SPINK5: variants seen among roughly 807,000 people sequenced by gnomAD.
SPINK5 encodes the protein serine peptidase inhibitor Kazal type 5, also known as serine protease inhibitor Kazal-type 5.
In SPINK5, 125 loss-of-function variants were observed where a neutral mutation model predicts 151.8. That is an observed-to-expected ratio of 0.82 (90% CI 0.71 to 0.96). The LOEUF (loss-of-function observed/expected upper bound fraction) is 0.96, where lower values mean the gene tolerates loss of function less well. Among genes scored for constraint, SPINK5 ranks in the 40% least tolerant of loss-of-function variants. The pLI, the probability that SPINK5 is intolerant of heterozygous loss-of-function variation, is 0.00. For missense variants in SPINK5, 1,194 were observed against 1,291.9 expected (o/e 0.92, Z 1.16); for synonymous variants, 374 against 395.3 (o/e 0.95, Z 0.64).
chr5:148,116,535 G>T (rs950702346), intron 22 of SPINK5, 69 bp downstream of exon 22: 3 of 1,438,790 alleles, frequency 2.1e-6, no homozygotes, highest in Non-Finnish European at 9.8e-7. Context: ...TGTGAATAGC[G>T]TATATAGTCT....
chr5:148,080,751 A>C (rs1752998174), intron 4 of SPINK5, among the ~76,000 whole-genome samples: 1 of 151,578 alleles, frequency 6.6e-6, no homozygotes, highest in Admixed American at 6.6e-5. Flanking sequence ...GACTTTAGAC[A>C]TAAAACTAAA....
At chr5:148,133,518 C>T (rs895950585) in intron 31 of SPINK5, among the ~76,000 whole-genome samples, 5 of 152,114 alleles carry the variant, frequency 3.3e-5, no homozygotes, top group African/African-American at 4.8e-5. Flanking sequence ...CACCTTTAGA[C>T]CAGATGATCT....
In SPINK5 at chr5:148,065,809, A is replaced by G. The variant is rs185090201; in HGVS notation, c.81+437A>G. Among the ~76,000 whole-genome samples the G allele has an allele frequency of 4.4e-4, 67 of 152,268 alleles. 1 individual carries two copies. The South Asian group carries it at 4.6e-3, about 10-fold the overall frequency. On this transcript the variant is annotated intron_variant, in intron 2 of 32. Transcript: ENST00000256084. ...TCGGTGTATATAGTTCATGTAATGA[A>G]TATTTATTGAGCATCTCTTAGATGT...
At chr5:148,106,824 C>T (rs182858118) in intron 16 of SPINK5, among the ~76,000 whole-genome samples, 33 of 152,174 alleles carry the variant, frequency 2.2e-4, no homozygotes, top group East Asian at 3.9e-4. Context: ...ACAACACACA[C>T]GTATGTTTTT....
At chr5:148,103,246 C>T (rs1753695146) in intron 15 of SPINK5, among the ~76,000 whole-genome samples, 1 of 152,038 alleles carries the variant, frequency 6.6e-6, no homozygotes, top group Non-Finnish European at 1.5e-5. Flanking sequence ...TTCATCTTCA[C>T]AACAACCATA....
intron 18 of SPINK5, among the ~76,000 whole-genome samples, chr5:148,110,599 T>C (rs895059839): frequency 3.3e-5 from 5 of 152,114 alleles, no homozygotes; most frequent in African/African-American, 1.2e-4. Context: ...AACTCTGTGC[T>C]AGTTTTCTAT....
rs532126323 is a variant in SPINK5, at chr5:148,128,221, T to C, written c.2964+1142T>C. Among the ~76,000 whole-genome samples, 375 of 51,688 alleles carry C rather than the reference T, an allele frequency of 7.3e-3. 1 individual carries two copies. The highest frequency in any genetic ancestry group is 0.04 in the African/African-American group (351 of 8,712). 33.9% of individuals were successfully genotyped at this position (51,688 alleles called of 152,430 possible). A position where few individuals can be genotyped will look rare whatever the true frequency, so the allele number is the denominator to read the frequency against. On this transcript the variant is annotated intron_variant, in intron 30 of 32. Transcript: ENST00000256084. The stretch of plus-strand genomic sequence containing the variant: ...ATGGAGAAGAGCTATTAACAAAATA[T>C]GTTTTTTTTTTTAAATACTAAAGTA...
At chr5:148,127,195 C>A in intron 30 of SPINK5, 116 bp downstream of exon 30, 1 of 845,668 alleles carries the variant, frequency 1.2e-6, no homozygotes, top group Non-Finnish European at 1.9e-6. Context: ...TTCAGTGCAG[C>A]CTGAAGTCCT....
intron 29 of SPINK5, among the ~76,000 whole-genome samples, chr5:148,126,276 C>G (rs1325924605): frequency 6.6e-6 from 1 of 151,564 alleles, no homozygotes; most frequent in East Asian, 1.9e-4. Flanking sequence ...TTCTAAAAAG[C>G]AAATAGAAAT....
In SPINK5 at chr5:148,083,792, A is replaced by C. The variant is rs1482826449; in HGVS notation, c.283-2613A>C. Among the ~76,000 whole-genome samples, 26 of 149,854 alleles carry C rather than the reference A, an allele frequency of 1.7e-4. 1 individual carries two copies. Among genetic ancestry groups the C allele is most frequent in the Admixed American group, 1.7e-3 (26 of 15,000 alleles). On this transcript the variant is annotated intron_variant, in intron 4 of 32. Coordinates refer to ENST00000256084, the MANE Select transcript of SPINK5 (RefSeq NM_006846.4). ...CTATATTTATTTCCTTCTTTTGGAG[A>C]CTTCTAATTCTATTTTAAATGTTCT...
In SPINK5 at chr5:148,133,878, GC is replaced by G; in HGVS notation, c.3182del (p.Pro1061ArgfsTer21). ...CCCCAGGAACCACCGCAGCCAGCAT[GC>G]CCCCGTCTGTAAGTACATAAGTAGA... The part of the protein sequence containing the change: ...STPGTTAASM[P>X]PSDE On this transcript the variant is annotated frameshift_variant, in exon 32 of 33. Coordinates refer to ENST00000256084, the MANE Select transcript of SPINK5 (RefSeq NM_006846.4). LOFTEE classifies it high-confidence loss of function. 1 of 1,613,870 alleles carries G rather than the reference GC, an allele frequency of 6.2e-7. No homozygotes were observed. Among genetic ancestry groups the G allele is most frequent in the Non-Finnish European group, 8.5e-7 (1 of 1,179,906 alleles).
chr5:148,067,883 G>T (rs1319774623), intron 2 of SPINK5, among the ~76,000 whole-genome samples: 1 of 152,052 alleles, frequency 6.6e-6, no homozygotes, highest in Non-Finnish European at 1.5e-5. Flanking sequence ...CAAAATTGCT[G>T]AGTTACAGCC....
intron 19 of SPINK5, among the ~76,000 whole-genome samples, chr5:148,112,112 A>C (rs963470115): frequency 2.6e-5 from 4 of 152,230 alleles, no homozygotes; most frequent in African/African-American, 9.6e-5. Context: ...CCATCAAGAA[A>C]GGACCATGTG....
intron 26 of SPINK5, among the ~76,000 whole-genome samples, chr5:148,122,810 TTTACAA>T (rs1401638652): frequency 6.6e-6 from 1 of 151,894 alleles, no homozygotes; most frequent in Non-Finnish European, 1.5e-5. Context: ...TTATAAGATT[TTTACAA>T]CCACTAAAGG....
intron 7 of SPINK5, 148 bp from the exon 8 acceptor site, chr5:148,091,017 G>A: frequency 1.5e-6 from 1 of 668,764 alleles, no homozygotes; most frequent in Non-Finnish European, 2.6e-6. Flanking sequence ...CTCTGGCTCA[G>A]GCATTGAAGA....
At chr5:148,086,995 T>C (rs1753177011) in intron 5 of SPINK5, among the ~76,000 whole-genome samples, 1 of 150,948 alleles carries the variant, frequency 6.6e-6, no homozygotes, top group African/African-American at 2.4e-5. Context: ...CATATATACA[T>C]ATATATACAT....
At chr5:148,090,966 G>A (rs1753291851) in intron 7 of SPINK5, 199 bp from the exon 8 acceptor site, 1 of 579,976 alleles carries the variant, frequency 1.7e-6, no homozygotes, top group Admixed American at 3.0e-5. Flanking sequence ...TCCCAGATAA[G>A]CTATTGCCGT....
At chr5:148,075,498 G>A (rs191155004) in intron 4 of SPINK5, among the ~76,000 whole-genome samples, 2 of 151,548 alleles carry the variant, frequency 1.3e-5, no homozygotes, top group Admixed American at 1.3e-4. Context: ...CTTAAGTAAG[G>A]TGAATCTCCA....
intron 2 of SPINK5, among the ~76,000 whole-genome samples, chr5:148,067,113 T>C (rs562163074): frequency 2.6e-5 from 4 of 152,298 alleles, no homozygotes; most frequent in African/African-American, 9.6e-5. Context: ...TCTGCAAGGA[T>C]CTTAAGCATG....
Sources: allele counts gnomAD v4.1 joint callset (sites outside exome capture counted in the v4.1 genomes callset), GRCh38; gene constraint gnomAD v4.1.1; transcripts MANE v1.5; gene names NCBI Gene and HGNC (gene_info 2026-07-23, HGNC 2026-07-21).